Variants in BAG6 observed in about 807,000 individuals in gnomAD.
BAG6 encodes the protein BAG cochaperone 6.
A neutral mutation model predicts 121.0 loss-of-function variants in BAG6; 22 were observed. The ratio of observed to expected loss-of-function variants is 0.18; its 90% CI spans 0.13 to 0.26. BAG6 has a LOEUF of 0.26. Ranked by LOEUF, BAG6 falls within the 10% of genes least tolerant of loss-of-function variation. The pLI, the probability that BAG6 is intolerant of heterozygous loss-of-function variation, is 1.00. For synonymous variants in BAG6, 583 were observed against 584.6 expected (o/e 1.00, Z 0.04); for missense variants, 1,233 against 1,537.7 (o/e 0.80, Z 3.31).
chr6:31,640,109 A>G lies in BAG6; in HGVS notation c.3246+90T>C. 1.5e-6 allele frequency: 2 copies of G among 1,318,268 alleles called. No individual in the cohort carries two copies. Among genetic ancestry groups the G allele is most frequent in the Non-Finnish European group, 2.2e-6 (2 of 929,716 alleles). The allele number at this position is 1,318,268 out of a possible 1,614,324, so 81.7% of individuals were successfully genotyped here. Reference sequence around the variant, plus strand: ...ACGAGGGGAGGGGAGACTGAATAACAAGAGCTCCCACCATCTCTACATAGT... The same window carrying G: ...ACGAGGGGAGGGGAGACTGAATAACGAGAGCTCCCACCATCTCTACATAGT... On this transcript the variant is annotated intron_variant, in intron 24 of 25. Coordinates refer to ENST00000676615, the MANE Select transcript of BAG6 (RefSeq NM_001387994.1). The surrounding 1 kb of genome is among the most constrained non-coding windows in gnomAD (Gnocchi z 4.2).
Position 31,645,032 on chromosome 6 carries a change from G to A in BAG6, c.1283C>T (p.Pro428Leu), listed in dbSNP as rs142052702. 7 of 1,612,220 alleles carry A rather than the reference G, an allele frequency of 4.3e-6. No individual in the cohort carries two copies. Among genetic ancestry groups the A allele is most frequent in the Non-Finnish European group, 5.9e-6 (7 of 1,179,678 alleles). Residue 428 changes from proline (P) to leucine (L), a missense_variant, in exon 10 of 26, where the codon CCC becomes CTC. This residue lies in a region of BAG6 where 777 missense variants were observed against 861.4 expected (regional missense o/e 0.90). Coordinates refer to ENST00000676615, the MANE Select transcript of BAG6 (RefSeq NM_001387994.1). ...AEGAPPPGPA[P>L]PPATSHPRVI... The stretch of plus-strand genomic sequence containing the variant: ...CCTCGGGTGGCTGGTGGCTGGCGGG[G>A]GAGCTGGACCTGGCGGGGGAGCCCC...
intron 1 of BAG6, 60 bp downstream of exon 1, chr6:31,652,364 C>CACACACACACACACACACACACACA (rs1554157899): frequency 6.6e-6 from 1 of 151,194 alleles, no homozygotes; most frequent in Non-Finnish European, 1.5e-5. Context: ...CACACACCCA[C>CACACACACACACACACACACACACA]CACCCCGCGG....
At chr6:31,639,890 A>T in intron 24 of BAG6, 2 of 630,950 alleles carry the variant, frequency 3.2e-6, no homozygotes, top group Non-Finnish European at 5.4e-6. Flanking sequence ...GAAGGGGTCA[A>T]GCCATCCGGG....
chr6:31,641,954 C>T lies in BAG6; in HGVS notation c.2336-9G>A. On this transcript the variant is annotated splice_polypyrimidine_tract_variant and intron_variant, in intron 16 of 25. Coordinates refer to ENST00000676615, the MANE Select transcript of BAG6 (RefSeq NM_001387994.1). The surrounding 1 kb of genome is among the most constrained non-coding windows in gnomAD (Gnocchi z 5.7). Reference sequence around the variant, plus strand: ...CAAGGCCCCAAAGAATCCTGGGGGACAAGGGCAGATGTTAGCAATGGCCTT... The same window carrying T: ...CAAGGCCCCAAAGAATCCTGGGGGATAAGGGCAGATGTTAGCAATGGCCTT... 6.2e-7 allele frequency: 1 copy of T among 1,612,664 alleles called. No homozygotes were observed. Among genetic ancestry groups the T allele is most frequent in the East Asian group, 2.2e-5 (1 of 44,876 alleles).
Position 31,642,682 on chromosome 6 carries a change from G to C in BAG6, c.2043+147C>G, listed in dbSNP as rs1270685242. 4.2e-6 allele frequency: 4 copies of C among 957,738 alleles called. No homozygotes were observed. In the Admixed American group the frequency reaches 9.2e-5, roughly 22 times the overall value. 59.3% of individuals were successfully genotyped at this position (957,738 alleles called of 1,614,324 possible). Reference sequence around the variant, plus strand: ...ATTTTCTTCATCTTTAAAATGAAAGGTTCAGAGTCAATGAATTCCCAGGGC... The same window carrying C: ...ATTTTCTTCATCTTTAAAATGAAAGCTTCAGAGTCAATGAATTCCCAGGGC... On this transcript the variant is annotated intron_variant, in intron 15 of 25. Coordinates refer to ENST00000676615, the MANE Select transcript of BAG6 (RefSeq NM_001387994.1).
In BAG6 at chr6:31,640,167, G is replaced by A. The variant is rs1265621789; in HGVS notation, c.3246+32C>T. 7.6e-6 allele frequency: 12 copies of A among 1,583,142 alleles called. No individual in the cohort carries two copies. Among genetic ancestry groups the A allele is most frequent in the Non-Finnish European group, 1.0e-5 (12 of 1,163,356 alleles). ...CAGGCATGACGGGGAAACCTGGATA[G>A]AGAGAGAGGCTTAGGGAAGAGGAAA... On this transcript the variant is annotated intron_variant, in intron 24 of 25. Transcript: ENST00000676615. The surrounding 1 kb of genome is among the most constrained non-coding windows in gnomAD (Gnocchi z 4.2).
At chr6:31,649,448 G>A (rs1583442133) in intron 3 of BAG6, 53 bp from the exon 4 acceptor site, 1 of 1,610,854 alleles carries the variant, frequency 6.2e-7, no homozygotes, top group East Asian at 2.2e-5. Flanking sequence ...TAAACCCATG[G>A]CCTCAGTTCA....
intron 7 of BAG6, 116 bp downstream of exon 7, chr6:31,647,475 A>G: frequency 6.7e-7 from 1 of 1,492,382 alleles, no homozygotes; most frequent in Non-Finnish European, 9.1e-7. Flanking sequence ...CCTCAATGCT[A>G]ACCCTTCAAC....
intron 4 of BAG6, 115 bp from the exon 5 acceptor site, chr6:31,649,079 G>A: frequency 6.7e-7 from 1 of 1,494,116 alleles, no homozygotes; most frequent in Non-Finnish European, 9.1e-7. Flanking sequence ...GAGACCAATA[G>A]CACACCACAG....
rs533016581 is a variant in BAG6, at chr6:31,647,839, G to A, written c.553-13C>T. On this transcript the variant is annotated splice_polypyrimidine_tract_variant and intron_variant, in intron 6 of 25. Transcript: ENST00000676615. ...GCCCTCCTCGACACTGAAGGTAGGG[G>A]AGAGTCAGGATACCAAAGGCAGGGT... is the stretch of plus-strand genomic sequence containing the variant. The A allele has an allele frequency of 4.2e-5, 64 of 1,524,680 alleles. No individual in the cohort carries two copies. The South Asian group carries it at 7.8e-4, about 19-fold the overall frequency. 94.4% of individuals were successfully genotyped at this position (1,524,680 alleles called of 1,614,324 possible).
chr6:31,647,815 C>A lies in BAG6; in HGVS notation c.564G>T (p.Gly188=). 14 of 1,548,842 alleles carry A rather than the reference C, an allele frequency of 9.0e-6. No homozygotes were observed. The highest frequency in any genetic ancestry group is 1.2e-5 in the Non-Finnish European group (14 of 1,152,718). Reference sequence around the variant, plus strand: ...GCGGCTGACTGTGCTGCGGTTGGGGCCCTCCTCGACACTGAAGGTAGGGGA... The same window carrying A: ...GCGGCTGACTGTGCTGCGGTTGGGGACCTCCTCGACACTGAAGGTAGGGGA... ...TLLSRMECRG[G]PQPQHSQPPP... is the part of the protein sequence containing the mutation. Residue 188 remains glycine (G), a synonymous_variant, in exon 7 of 26, where the codon GGG becomes GGT. Transcript: ENST00000676615.
chr6:31,640,182 G>T lies in BAG6; in HGVS notation c.3246+17C>A. On this transcript the variant is annotated intron_variant, in intron 24 of 25. Transcript: ENST00000676615. The surrounding 1 kb of genome is among the most constrained non-coding windows in gnomAD (Gnocchi z 4.2). ...AACCTGGATAGAGAGAGAGGCTTAG[G>T]GAAGAGGAAAACCAACCTTGCGTCT... 1 of 1,611,110 alleles carries T rather than the reference G, an allele frequency of 6.2e-7. No homozygotes were observed. Among genetic ancestry groups the T allele is most frequent in the South Asian group, 1.1e-5 (1 of 91,008 alleles).
Position 31,645,153 on chromosome 6 carries a change from G to T in BAG6, c.1162C>A (p.Pro388Thr). The T allele has an allele frequency of 1.9e-6, 3 of 1,612,620 alleles. No individual in the cohort carries two copies. Among genetic ancestry groups the T allele is most frequent in the Non-Finnish European group, 2.5e-6 (3 of 1,179,826 alleles). Residue 388 changes from proline to threonine, a missense_variant, in exon 10 of 26, where the codon CCC (proline) becomes ACC (threonine). Physicochemically the swap from Pro to Thr is conservative, Grantham distance 38 (BLOSUM62 -1). Around this residue, in one of 7 missense-constraint regions of BAG6, gnomAD observed 777 missense variants for 861.4 expected, o/e 0.90. Transcript: ENST00000676615. Reference protein sequence around the residue: ...TVTMTGNGTRPPPTPNAEAPP... With the variant: ...TVTMTGNGTRTPPTPNAEAPP... ...GCCTCTGCATTGGGAGTTGGGGGGG[G>T]CCGAGTCCCATTTCCTGTCATGGTC...
At chr6:31,646,248 A>G (rs1457132029) in intron 8 of BAG6, 146 bp downstream of exon 8, 52 of 1,263,802 alleles carry the variant, frequency 4.1e-5, no homozygotes, top group Non-Finnish European at 5.3e-5. Flanking sequence ...GGCCTCCCAA[A>G]GTGCTGGGAT....
rs1005607503 is a variant in BAG6, at chr6:31,651,600, G to A, written c.108+56C>T. 3.5e-5 allele frequency: 52 copies of A among 1,472,858 alleles called. No homozygotes were observed. In the African/African-American group the frequency reaches 6.5e-4, roughly 19 times the overall value. The allele number at this position is 1,472,858 out of a possible 1,614,324, so 91.2% of individuals were successfully genotyped here. The stretch of plus-strand genomic sequence containing the variant: ...AAATCAAGCTCATCTCTCAGGCTAA[G>A]GGGCCTAAACGAGGAAAAGCTAAAG... On this transcript the variant is annotated intron_variant, in intron 2 of 25. Coordinates refer to ENST00000676615, the MANE Select transcript of BAG6 (RefSeq NM_001387994.1).
rs200265396 is a variant in BAG6 at position 31,639,542 on chromosome 6, C to T, written c.3351G>A (p.Arg1117=). The change falls in exon 25 of 26, where the codon CGG becomes CGA. Residue 1117 remains arginine, a synonymous_variant. Coordinates refer to ENST00000676615, the MANE Select transcript of BAG6 (RefSeq NM_001387994.1). The part of the protein sequence containing the change: ...RPLTSPESLS[R]DLEAPEVQES... Reference sequence around the variant, plus strand: ...CCTGAACCTCTGGTGCCTCCAGGTCCCGGCTCAGGCTCTCGGGGCTCGTCA... The same window carrying T: ...CCTGAACCTCTGGTGCCTCCAGGTCTCGGCTCAGGCTCTCGGGGCTCGTCA... The T allele has an allele frequency of 1.4e-4, 232 of 1,614,208 alleles. 2 individuals carry two copies. In the Admixed American group the frequency reaches 3.7e-3, roughly 26 times the overall value.
chr6:31,646,464 C>T lies in BAG6; in HGVS notation c.848G>A (p.Arg283His). 2 of 1,612,864 alleles carry T rather than the reference C, an allele frequency of 1.2e-6. No homozygotes were observed. Among genetic ancestry groups the T allele is most frequent in the Non-Finnish European group, 1.7e-6 (2 of 1,179,988 alleles). The change falls in exon 8 of 26, where the codon CGC becomes CAC. Residue 283 changes from arginine to histidine, a missense_variant. Transcript: ENST00000676615. ...GTAGCGCTGCAAGAAGGGCTGGAGG[C>T]GACTCTCCAGCCGCTGTAGCTCCTG... ...VLQELQRLESRLQPFLQRYYE... is the reference protein window; with the variant it reads ...VLQELQRLESHLQPFLQRYYE...
intron 25 of BAG6, 32 bp from the exon 26 acceptor site, chr6:31,639,258 C>T (rs28732153): frequency 3.3e-5 from 53 of 1,585,006 alleles, no homozygotes; most frequent in Non-Finnish European, 4.1e-5. Context: ...GTTGGAGAAA[C>T]GCTGGCCAAG....
At chr6:31,649,061 TAA>T in intron 4 of BAG6, 97 bp from the exon 5 acceptor site, 1 of 1,498,880 alleles carries the variant, frequency 6.7e-7, no homozygotes, top group Non-Finnish European at 9.0e-7. Context: ...CTTTTCTCCT[TAA>T]AGACTGAGAC....
Sources: allele counts gnomAD v4.1 joint callset, GRCh38; gene constraint gnomAD v4.1.1; regional missense constraint gnomAD v4.1.1; non-coding constraint Gnocchi (gnomAD v3.1); transcripts MANE v1.5; gene names NCBI Gene and HGNC (gene_info 2026-07-23, HGNC 2026-07-21).